Variants in QTMAN observed in about 807,000 individuals in gnomAD.
The protein encoded by QTMAN is tRNA-queuosine alpha-mannosyltransferase.
chr2:144,191,636 A>T, the QTMAN span, among the ~76,000 whole-genome samples: 1 of 152,178 alleles, frequency 6.6e-6, no homozygotes, highest in South Asian at 2.1e-4. Context: ...GAACACTAAG[A>T]ATTAGACCCT....
the QTMAN span, among the ~76,000 whole-genome samples, chr2:144,190,130 A>AT: frequency 6.6e-6 from 1 of 152,188 alleles, no homozygotes; most frequent in Non-Finnish European, 1.5e-5. Flanking sequence ...CATGAATGGA[A>AT]TGTCTAGAAT....
the QTMAN span, among the ~76,000 whole-genome samples, chr2:144,030,862 T>C: frequency 6.6e-6 from 1 of 152,098 alleles, no homozygotes; most frequent in African/African-American, 2.4e-5. Flanking sequence ...ACAATGCTGT[T>C]AATAATTGCA....
the QTMAN span, among the ~76,000 whole-genome samples, chr2:143,967,789 A>G: frequency 7.2e-5 from 11 of 152,234 alleles, no homozygotes; most frequent in African/African-American, 2.4e-4. Flanking sequence ...TGGGTCAGAA[A>G]AAAAGAACAT....
the QTMAN span, among the ~76,000 whole-genome samples, chr2:144,143,666 T>C: frequency 6.6e-6 from 1 of 151,948 alleles, no homozygotes; most frequent in Admixed American, 6.6e-5. Context: ...ATAAGGAAGC[T>C]AATATAATAA....
the QTMAN span, among the ~76,000 whole-genome samples, chr2:144,256,371 C>T: frequency 3.9e-5 from 6 of 152,132 alleles, no homozygotes; most frequent in African/African-American, 1.4e-4. Context: ...CCAATGTTCA[C>T]CAATATGTAT....
chr2:144,288,779 T>G, the QTMAN span, among the ~76,000 whole-genome samples: 7 of 152,136 alleles, frequency 4.6e-5, no homozygotes, highest in Admixed American at 4.6e-4. Context: ...TATGAAGAAT[T>G]TGAGTTAGCG....
At chr2:143,942,202 C>T in the QTMAN span, 2 of 167,266 alleles carry the variant, frequency 1.2e-5, no homozygotes, top group African/African-American at 4.8e-5. Flanking sequence ...TTAAGATCCT[C>T]TCCTTGGGGT....
At chr2:144,106,516 T>C in the QTMAN span, among the ~76,000 whole-genome samples, 1 of 152,216 alleles carries the variant, frequency 6.6e-6, no homozygotes, top group Non-Finnish European at 1.5e-5. Flanking sequence ...AGAAGGCTAT[T>C]ACATAATGGT....
the QTMAN span, among the ~76,000 whole-genome samples, chr2:144,102,376 T>C: frequency 6.6e-6 from 1 of 152,238 alleles, no homozygotes. Flanking sequence ...GTTTGAGGCT[T>C]ACAGGTATAC....
chr2:144,224,814 A>C, the QTMAN span, among the ~76,000 whole-genome samples: 1 of 152,236 alleles, frequency 6.6e-6, no homozygotes, highest in Non-Finnish European at 1.5e-5. Flanking sequence ...TAATTATTAC[A>C]TTCTAAAAAT....
chr2:144,006,421 A>C, the QTMAN span: 1 of 152,096 alleles, frequency 6.6e-6, no homozygotes. Flanking sequence ...GCATCTCTGC[A>C]ATAAAGAGAC....
chr2:144,169,360 A>C, the QTMAN span, among the ~76,000 whole-genome samples: 1 of 152,140 alleles, frequency 6.6e-6, no homozygotes. Context: ...AATATACACA[A>C]CTTCAACATC....
the QTMAN span, among the ~76,000 whole-genome samples, chr2:144,193,616 G>T: frequency 6.6e-6 from 1 of 151,642 alleles, no homozygotes; most frequent in African/African-American, 2.4e-5. Flanking sequence ...AAATTCCTGG[G>T]CTCAAGTGAT....
chr2:144,221,839 T>C, the QTMAN span, among the ~76,000 whole-genome samples: 4 of 152,220 alleles, frequency 2.6e-5, no homozygotes, highest in South Asian at 6.2e-4. Flanking sequence ...AACAGCATCA[T>C]TTAGTTTGCA....
the QTMAN span, among the ~76,000 whole-genome samples, chr2:144,145,150 A>G: frequency 6.6e-6 from 1 of 151,098 alleles, no homozygotes; most frequent in African/African-American, 2.4e-5. Context: ...CAAAACCCCA[A>G]GTTGCTCCAT....
chr2:143,951,076 GGGAA>G, the QTMAN span: 6 of 151,524 alleles, frequency 4.0e-5, no homozygotes, highest in Non-Finnish European at 8.9e-5. Context: ...GCTACGAACA[GGGAA>G]GGGAGAAAAA....
the QTMAN span, among the ~76,000 whole-genome samples, chr2:144,000,302 T>C: frequency 6.6e-6 from 1 of 152,076 alleles, no homozygotes; most frequent in Non-Finnish European, 1.5e-5. Flanking sequence ...TAAAATTCTT[T>C]AGAGAGCTTT....
chr2:144,219,650 C>A, the QTMAN span, among the ~76,000 whole-genome samples: 1 of 152,008 alleles, frequency 6.6e-6, no homozygotes, highest in Non-Finnish European at 1.5e-5. Flanking sequence ...GCAAAACCCC[C>A]GTCTCTACAA....
the QTMAN span, among the ~76,000 whole-genome samples, chr2:144,296,701 G>C: frequency 2.0e-5 from 3 of 152,106 alleles, no homozygotes; most frequent in East Asian, 5.8e-4. Flanking sequence ...ACTGTACCAT[G>C]TTGAAACCCC....
Sources: allele counts gnomAD v4.1 joint callset (sites outside exome capture counted in the v4.1 genomes callset), GRCh38; gene constraint gnomAD v4.1.1; transcripts MANE v1.5; gene names NCBI Gene and HGNC (gene_info 2026-07-23, HGNC 2026-07-21).